Variants in ACVR1B observed in about 807,000 individuals in gnomAD.
ACVR1B encodes activin A receptor type 1B, also known as activin receptor type-1B.
ACVR1B carries 15 observed loss-of-function variants against 55.6 expected under a neutral mutation model. The ratio of observed to expected loss-of-function variants is 0.27; its 90% CI spans 0.18 to 0.42. The LOEUF is 0.42. ACVR1B is among the 10% of genes least tolerant of loss of function. The pLI is 1.00. For synonymous variants in ACVR1B, 247 were observed against 254.6 expected (o/e 0.97, Z 0.28); for missense variants, 359 against 670.1 (o/e 0.54, Z 5.13).
Position 51,992,010 on chromosome 12 carries a change from C to T in ACVR1B, c.1392+17C>T, listed in dbSNP as rs551127449. 1 of 1,614,244 alleles carries T rather than the reference C, an allele frequency of 6.2e-7. No individual in the cohort carries two copies. Among genetic ancestry groups the T allele is most frequent in the African/African-American group, 1.3e-5 (1 of 75,064 alleles). On this transcript the variant is annotated intron_variant, in intron 8 of 8. Transcript: ENST00000257963. ...AGTTATGAGGTAAGAAGCTGGCCTC[C>T]TGCGGCTTTCCCATCAGCCTGATTT...
chr12:51,952,522 T>G (rs1476489687), intron 1 of ACVR1B, among the ~76,000 whole-genome samples: 2 of 152,180 alleles, frequency 1.3e-5, no homozygotes, highest in African/African-American at 2.4e-5. Context: ...TTGGAGGAAG[T>G]GGGACGAACA....
At chr12:51,982,910 G>A (rs1041174024) in intron 4 of ACVR1B, 2 of 1,243,982 alleles carry the variant, frequency 1.6e-6, no homozygotes, top group Non-Finnish European at 2.1e-6. Context: ...TGTTAGCAGG[G>A]TCCTCAGGAC....
chr12:51,979,237 G>A (rs183220174), intron 3 of ACVR1B, among the ~76,000 whole-genome samples: 50 of 140,674 alleles, frequency 3.6e-4, no homozygotes, highest in African/African-American at 1.4e-3. Context: ...AGGCCGAGGC[G>A]GGTAGATCAC....
At position 51,984,173 on chromosome 12, in the gene ACVR1B, G is replaced by C. The variant is rs1423179676; in HGVS notation, c.979+7G>C. 2 of 1,614,076 alleles carry C rather than the reference G, an allele frequency of 1.2e-6. No individual in the cohort carries two copies. Among genetic ancestry groups the C allele is most frequent in the Non-Finnish European group, 1.7e-6 (2 of 1,180,010 alleles). On this transcript the variant is annotated splice_region_variant and intron_variant, in intron 5 of 8. Transcript: ENST00000257963. ...GAGATCGTGGGCACCCAAGGTGAGTGGACTAGCGCAGGAGCGGCGAAGTGG... is the reference window on the plus strand; with the variant it reads ...GAGATCGTGGGCACCCAAGGTGAGTCGACTAGCGCAGGAGCGGCGAAGTGG...
chr12:51,975,533 G>A (rs879038044), intron 2 of ACVR1B, 29 bp downstream of exon 2: 4 of 1,596,972 alleles, frequency 2.5e-6, no homozygotes, highest in Admixed American at 1.7e-5. Flanking sequence ...TGGGCTAGTG[G>A]CTCAGCTTGG....
rs368322585 is a variant in ACVR1B at position 51,981,510 on chromosome 12, C to T, written c.811+311C>T. ...AAACCCACCTCCATTGTAGTTCCTG[C>T]AGGGGGTCCCGTAAGCTTATTTTGA... is the stretch of plus-strand genomic sequence containing the variant. On this transcript the variant is annotated intron_variant, in intron 4 of 8. Coordinates refer to ENST00000257963, the MANE Select transcript of ACVR1B (RefSeq NM_004302.5). Among the ~76,000 whole-genome samples the T allele has an allele frequency of 2.6e-5, 4 of 152,160 alleles. No homozygotes were observed. In the East Asian group the frequency reaches 7.7e-4, roughly 29 times the overall value.
At position 51,994,005 on chromosome 12, in the gene ACVR1B, G is replaced by A. The variant is rs772249327; in HGVS notation, c.1413G>A (p.Lys471=). 6.2e-7 allele frequency: 1 copy of A among 1,614,114 alleles called. No individual in the cohort carries two copies. Among genetic ancestry groups the A allele is most frequent in the South Asian group, 1.1e-5 (1 of 91,088 alleles). ...CACAGGCACTGCGGGTGATGGGGAAGATGATGCGAGAGTGTTGGTATGCCA... is the reference window on the plus strand; with the variant it reads ...CACAGGCACTGCGGGTGATGGGGAAAATGATGCGAGAGTGTTGGTATGCCA... ...QSYEALRVMG[K]MMRECWYANG... is the part of the protein sequence containing the mutation. The change falls in exon 9 of 9, where the codon AAG becomes AAA. Residue 471 remains lysine (K), a synonymous_variant. Transcript: ENST00000257963. The surrounding 1 kb of genome is among the most constrained non-coding windows in gnomAD (Gnocchi z 4.2).
Position 51,981,177 on chromosome 12 carries a change from A to G in ACVR1B, c.789A>G (p.Gly263=). ...TGCTGCGCCATGAAAACATCCTTGGATTTATTGCTGCTGACAATAAAGGTA... is the reference window on the plus strand; with the variant it reads ...TGCTGCGCCATGAAAACATCCTTGGGTTTATTGCTGCTGACAATAAAGGTA... ...TVMLRHENIL[G]FIAADNKDNG... Residue 263 remains glycine (G), a synonymous_variant, in exon 4 of 9, where the codon GGA becomes GGG. Transcript: ENST00000257963. The G allele has an allele frequency of 3.1e-6, 5 of 1,614,088 alleles. No individual in the cohort carries two copies. In the South Asian group the frequency reaches 5.5e-5, roughly 18 times the overall value.
rs116075223 is a variant in ACVR1B at position 51,969,463 on chromosome 12, A to G, written c.92-5802A>G. On this transcript the variant is annotated intron_variant, in intron 1 of 8. Coordinates refer to ENST00000257963, the MANE Select transcript of ACVR1B (RefSeq NM_004302.5). Reference sequence around the variant, plus strand: ...CCTATATGTGTAAAGAGATTTCCAGAAAGACCCTGGTTGCTATGCTGATGA... The same window carrying G: ...CCTATATGTGTAAAGAGATTTCCAGGAAGACCCTGGTTGCTATGCTGATGA... Among the ~76,000 whole-genome samples, 1,346 of 152,322 alleles carry G rather than the reference A, an allele frequency of 8.8e-3. 23 individuals are homozygous for G. The highest frequency in any genetic ancestry group is 0.027 in the African/African-American group (1,104 of 41,562).
intron 1 of ACVR1B, among the ~76,000 whole-genome samples, chr12:51,963,175 TTAAG>T (rs147103121): frequency 0.016 from 2,405 of 152,308 alleles, 63 homozygotes; most frequent in African/African-American, 0.055. Flanking sequence ...TTAGTAGTGT[TTAAG>T]TACCTTCATA....
chr12:51,969,510 AC>A (rs1941704560), intron 1 of ACVR1B, among the ~76,000 whole-genome samples: 1 of 152,240 alleles, frequency 6.6e-6, no homozygotes, highest in African/African-American at 2.4e-5. Flanking sequence ...AAAGTGGGCT[AC>A]TGAATCTAAG....
chr12:51,993,765 T>TAAAAAAAAAAAAA lies in ACVR1B; in HGVS notation c.1393-193_1393-181dup, dbSNP rs869161100. Among the ~76,000 whole-genome samples, 21 of 29,768 alleles carry TAAAAAAAAAAAAA rather than the reference T, an allele frequency of 7.1e-4. 2 individuals are homozygous for TAAAAAAAAAAAAA. Among genetic ancestry groups the TAAAAAAAAAAAAA allele is most frequent in the Admixed American group, 1.9e-3 (3 of 1,580 alleles). The allele number at this position is 29,768 out of a possible 152,430, so 19.5% of individuals were successfully genotyped here. ...CTGGGTGACAGAGTGAGACTCCTTC[T>TAAAAAAAAAAAAA]AAAAAAAAAAAAAAAAAAAAAAAAA... On this transcript the variant is annotated intron_variant, in intron 8 of 8. Transcript: ENST00000257963.
At chr12:51,953,413 C>G in intron 1 of ACVR1B, 1 of 985,398 alleles carries the variant, frequency 1.0e-6, no homozygotes, top group Non-Finnish European at 1.2e-6. Flanking sequence ...GTGTGTTCTT[C>G]GGCCTCACTG....
chr12:51,969,197 T>A (rs1221644221), intron 1 of ACVR1B, among the ~76,000 whole-genome samples: 1 of 152,228 alleles, frequency 6.6e-6, no homozygotes, highest in Non-Finnish European at 1.5e-5. Context: ...ATAGATTAAA[T>A]GGTTGTTCTA....
At chr12:51,962,178 C>T (rs949445589) in intron 1 of ACVR1B, among the ~76,000 whole-genome samples, 9 of 152,182 alleles carry the variant, frequency 5.9e-5, no homozygotes, top group Admixed American at 5.9e-4. Flanking sequence ...AGCTGGCTTT[C>T]CAAACACCTT....
rs1942056783 is a variant in ACVR1B, at chr12:51,985,389, A to C, written c.1136+41A>C. On this transcript the variant is annotated intron_variant, in intron 6 of 8. Transcript: ENST00000257963. ...ACTCTGCCCTTGCTAAGCAGCTTCTACTGAGTATCCCATCTGTGCCGTTTC... is the reference window on the plus strand; with the variant it reads ...ACTCTGCCCTTGCTAAGCAGCTTCTCCTGAGTATCCCATCTGTGCCGTTTC... The C allele has an allele frequency of 1.9e-6, 3 of 1,577,744 alleles. No homozygotes were observed. The African/African-American group carries it at 4.1e-5, about 21-fold the overall frequency.
Position 51,993,765 on chromosome 12 carries a change from TAAAAAAAAAAAAAAAAAAAAAAA to T in ACVR1B, c.1393-203_1393-181del, listed in dbSNP as rs869161100. Among the ~76,000 whole-genome samples the T allele has an allele frequency of 3.3e-3, 97 of 29,770 alleles. 2 individuals are homozygous for T. Among genetic ancestry groups the T allele is most frequent in the East Asian group, 9.0e-3 (7 of 782 alleles). The allele number at this position is 29,770 out of a possible 152,430, so 19.5% of individuals were successfully genotyped here. A position where few individuals can be genotyped will look rare whatever the true frequency, so the allele number is the denominator to read the frequency against. On this transcript the variant is annotated intron_variant, in intron 8 of 8. Coordinates refer to ENST00000257963, the MANE Select transcript of ACVR1B (RefSeq NM_004302.5). The stretch of plus-strand genomic sequence containing the variant: ...CTGGGTGACAGAGTGAGACTCCTTC[TAAAAAAAAAAAAAAAAAAAAAAA>T]AAAAAAAAAAAAAAAAGGAAGAGCC...
intron 1 of ACVR1B, among the ~76,000 whole-genome samples, chr12:51,959,866 G>A (rs1440156844): frequency 6.6e-6 from 1 of 150,740 alleles, no homozygotes; most frequent in Non-Finnish European, 1.5e-5. Context: ...TTTTTTAGGT[G>A]CTTGGGATGT....
intron 2 of ACVR1B, 138 bp downstream of exon 2, chr12:51,975,642 C>A: frequency 8.0e-7 from 1 of 1,254,516 alleles, no homozygotes. Context: ...GTGACAAAGG[C>A]TGGGGTTTCT....
Sources: gnomAD v4.1 joint callset for allele counts (sites outside exome capture counted in the v4.1 genomes callset) on GRCh38, gnomAD v4.1.1 for gene constraint, Gnocchi (gnomAD v3.1) non-coding constraint, MANE v1.5 for transcripts, NCBI Gene and HGNC (gene_info 2026-07-23, HGNC 2026-07-21) for gene names.